FAM120A: variants seen among roughly 807,000 people sequenced by gnomAD.
The protein encoded by FAM120A is constitutive coactivator of PPAR-gamma-like protein 1.
Under a neutral mutation model 109.7 loss-of-function variants are expected in FAM120A, and 15 were observed. The ratio of observed to expected loss-of-function variants is 0.14; its 90% CI spans 0.09 to 0.21. FAM120A has a LOEUF of 0.21. Among genes scored for constraint, FAM120A ranks in the 10% least tolerant of loss-of-function variants. The probability of loss-of-function intolerance (pLI) is 1.00; values close to 1 mark genes in which losing one functional copy is unlikely to be tolerated. For missense variants in FAM120A, 899 were observed against 1,439.3 expected (o/e 0.62, Z 6.07); for synonymous variants, 493 against 572.8 (o/e 0.86, Z 1.99).
intron 15 of FAM120A, among the ~76,000 whole-genome samples, chr9:93,559,785 A>G (rs1393057265): frequency 6.6e-6 from 1 of 152,196 alleles, no homozygotes; most frequent in Admixed American, 6.5e-5. Context: ...TACTATGGAT[A>G]GTGTAGGGCA....
intron 5 of FAM120A, among the ~76,000 whole-genome samples, chr9:93,508,172 G>T (rs1384464643): frequency 1.3e-5 from 2 of 152,192 alleles, no homozygotes; most frequent in Non-Finnish European, 2.9e-5. Flanking sequence ...TAGACTGAGG[G>T]CATATGTGTA....
At chr9:93,457,828 A>G (rs1296365525) in intron 1 of FAM120A, among the ~76,000 whole-genome samples, 1 of 151,560 alleles carries the variant, frequency 6.6e-6, no homozygotes, top group Non-Finnish European at 1.5e-5. Context: ...CTTTAAAATT[A>G]AACCTATCAA....
chr9:93,469,237 C>A (rs536416102), intron 1 of FAM120A, among the ~76,000 whole-genome samples: 71 of 152,334 alleles, frequency 4.7e-4, no homozygotes, highest in South Asian at 4.3e-3. Context: ...TGTCTCTGAA[C>A]TCCCTGCTGA....
At chr9:93,545,352 C>G (rs1319532454) in intron 11 of FAM120A, among the ~76,000 whole-genome samples, 1 of 152,240 alleles carries the variant, frequency 6.6e-6, no homozygotes, top group Non-Finnish European at 1.5e-5. Context: ...TCCTTCCAAG[C>G]TGGCACAGTC....
intron 3 of FAM120A, among the ~76,000 whole-genome samples, chr9:93,485,840 T>G (rs1197543621): frequency 6.6e-6 from 1 of 151,902 alleles, no homozygotes; most frequent in Non-Finnish European, 1.5e-5. Flanking sequence ...ATGACTTCTG[T>G]CTCTATGGAT....
chr9:93,492,180 GTATA>G (rs370267515), intron 3 of FAM120A, among the ~76,000 whole-genome samples: 3 of 150,018 alleles, frequency 2.0e-5, no homozygotes, highest in African/African-American at 4.9e-5. Context: ...GTGTGTGTGT[GTATA>G]TATATATATA....
intron 13 of FAM120A, among the ~76,000 whole-genome samples, chr9:93,557,443 A>C (rs563239513): frequency 6.6e-6 from 1 of 152,204 alleles, no homozygotes; most frequent in South Asian, 2.1e-4. Context: ...GACCATTTTA[A>C]ACAGTGAAAT....
chr9:93,526,510 CCT>C (rs1491149208), intron 7 of FAM120A, among the ~76,000 whole-genome samples: 1 of 151,516 alleles, frequency 6.6e-6, no homozygotes, highest in Admixed American at 6.6e-5. Context: ...TTCCTTATCC[CCT>C]TTTTTTTTTC....
At chr9:93,486,020 G>A (rs1393896158) in intron 3 of FAM120A, among the ~76,000 whole-genome samples, 1 of 152,180 alleles carries the variant, frequency 6.6e-6, no homozygotes, top group Admixed American at 6.5e-5. Flanking sequence ...CTACTCTGGA[G>A]TGCAGTCAGT....
intron 10 of FAM120A, among the ~76,000 whole-genome samples, chr9:93,537,798 G>A (rs1861570878): frequency 6.6e-6 from 1 of 152,150 alleles, no homozygotes; most frequent in African/African-American, 2.4e-5. Flanking sequence ...TCAATATTAT[G>A]GTGCTGATTT....
chr9:93,516,128 A>G lies in FAM120A; in HGVS notation c.1277A>G (p.Lys426Arg). 6.2e-7 allele frequency: 1 copy of G among 1,613,900 alleles called. No homozygotes were observed. The highest frequency in any genetic ancestry group is 8.5e-7 in the Non-Finnish European group (1 of 1,179,860). Residue 426 changes from lysine (K) to arginine (R), a missense_variant, in exon 7 of 18, where the codon AAG becomes AGG. Around this residue, in one of 11 missense-constraint regions of FAM120A, gnomAD observed 30 missense variants for 32.5 expected, o/e 0.92. Coordinates refer to ENST00000277165, the MANE Select transcript of FAM120A (RefSeq NM_014612.5). ...NSYSNIPHEG[K>R]HTPLYERSSP... The stretch of plus-strand genomic sequence containing the variant: ...TACAGCAACATTCCTCACGAAGGGA[A>G]GCACACGCCGCTGTATGAGCGGTCC...
chr9:93,554,822 G>C (rs1197690066), intron 12 of FAM120A, among the ~76,000 whole-genome samples: 1 of 152,236 alleles, frequency 6.6e-6, no homozygotes, highest in African/African-American at 2.4e-5. Flanking sequence ...TGGATTCTCT[G>C]TTCTCTGGTG....
chr9:93,513,548 C>G (rs989614378), intron 5 of FAM120A, among the ~76,000 whole-genome samples: 3 of 152,208 alleles, frequency 2.0e-5, no homozygotes, highest in African/African-American at 7.2e-5. Flanking sequence ...TTCCCAGCTT[C>G]TCATACTGCA....
intron 17 of FAM120A, 59 bp downstream of exon 17, chr9:93,562,363 G>C: frequency 7.5e-7 from 1 of 1,337,196 alleles, no homozygotes; most frequent in Non-Finnish European, 1.1e-6. Context: ...TCTCCTGTCT[G>C]AGCTTGCACT....
chr9:93,562,241 T>C lies in FAM120A; in HGVS notation c.2982T>C (p.Ile994=). 1 of 1,614,184 alleles carries C rather than the reference T, an allele frequency of 6.2e-7. No individual in the cohort carries two copies. The highest frequency in any genetic ancestry group is 8.5e-7 in the Non-Finnish European group (1 of 1,179,998). Residue 994 remains isoleucine, a synonymous_variant, in exon 17 of 18, where the codon ATT becomes ATC. Coordinates refer to ENST00000277165, the MANE Select transcript of FAM120A (RefSeq NM_014612.5). ...GAGGAGTTATTTCCACCCCAGTGATTAGAACATTTGGAAGAGGTGGAAGGT... is the reference window on the plus strand; with the variant it reads ...GAGGAGTTATTTCCACCCCAGTGATCAGAACATTTGGAAGAGGTGGAAGGT... ...RPRGVISTPV[I]RTFGRGGRYY...
intron 2 of FAM120A, among the ~76,000 whole-genome samples, chr9:93,472,899 A>AT (rs1489984951): frequency 6.6e-6 from 1 of 152,240 alleles, no homozygotes; most frequent in Non-Finnish European, 1.5e-5. Flanking sequence ...ACCTCCTAGA[A>AT]ACCTTACCAG....
rs867736990 is a variant in FAM120A at position 93,556,398 on chromosome 9, C to T, written c.2291C>T (p.Pro764Leu). 1 of 1,614,016 alleles carries T rather than the reference C, an allele frequency of 6.2e-7. No homozygotes were observed. Among genetic ancestry groups the T allele is most frequent in the African/African-American group, 1.3e-5 (1 of 75,026 alleles). ...AATTTAAAGATTGAGAACCTAGATC[C>T]CCGAGGAATTCAGCTATCAGCTCTC... ...LQELKIENLD[P>L]RGIQLSALFM... The change falls in exon 13 of 18, where the codon CCC becomes CTC. Residue 764 changes from proline to leucine, a missense_variant. Pro to Leu is a moderately conservative substitution (Grantham distance 98, BLOSUM62 -3). Around this residue, in one of 11 missense-constraint regions of FAM120A, gnomAD observed 52 missense variants for 49.7 expected, o/e 1.05. Transcript: ENST00000277165.
At chr9:93,550,495 A>G (rs953995612) in intron 11 of FAM120A, 82 bp from the exon 12 acceptor site, 1 of 978,896 alleles carries the variant, frequency 1.0e-6, no homozygotes, top group African/African-American at 1.6e-5. Context: ...TCCGGGATTT[A>G]CCTAGAACCT....
intron 3 of FAM120A, among the ~76,000 whole-genome samples, chr9:93,477,434 A>G (rs1339298711): frequency 6.6e-6 from 1 of 152,206 alleles, no homozygotes; most frequent in Non-Finnish European, 1.5e-5. Flanking sequence ...CTTGTTCAAA[A>G]ATTAGTTTTT....
Sources: gnomAD v4.1 joint callset for allele counts (sites outside exome capture counted in the v4.1 genomes callset) on GRCh38, gnomAD v4.1.1 for gene constraint, gnomAD v4.1.1 regional missense constraint, MANE v1.5 for transcripts, NCBI Gene and HGNC (gene_info 2026-07-23, HGNC 2026-07-21) for gene names.